The following NEK1 variants were observed in gnomAD, a reference collection of about 807,000 sequenced individuals.
The protein encoded by NEK1 is serine/threonine-protein kinase Nek1.
A neutral mutation model predicts 182.1 loss-of-function variants in NEK1; 137 were observed. The ratio of observed to expected loss-of-function variants is 0.75; its 90% CI spans 0.65 to 0.87. The LOEUF (loss-of-function observed/expected upper bound fraction) is 0.87, where lower values mean the gene tolerates loss of function less well. Ranked by LOEUF, NEK1 falls within the 40% of genes least tolerant of loss-of-function variation. The probability of loss-of-function intolerance (pLI) is 0.00; values close to 1 mark genes in which losing one functional copy is unlikely to be tolerated. For synonymous variants in NEK1, 513 were observed against 492.2 expected (o/e 1.04, Z -0.56); for missense variants, 1,391 against 1,494.4 (o/e 0.93, Z 1.14).
At chr4:169,539,676 G>A (rs1165202371) in intron 18 of NEK1, among the ~76,000 whole-genome samples, 2 of 152,098 alleles carry the variant, frequency 1.3e-5, no homozygotes, top group Non-Finnish European at 2.9e-5. Context: ...TAGGCCTGAG[G>A]AAGGCAGATG....
intron 27 of NEK1, among the ~76,000 whole-genome samples, chr4:169,456,542 C>T (rs1000044673): frequency 3.9e-5 from 6 of 152,240 alleles, no homozygotes; most frequent in African/African-American, 1.4e-4. Context: ...ACAACTGATA[C>T]TGCAGAAATT....
At chr4:169,562,930 A>C (rs1314771999) in intron 12 of NEK1, among the ~76,000 whole-genome samples, 1 of 152,132 alleles carries the variant, frequency 6.6e-6, no homozygotes. Context: ...CTTTTGCTCA[A>C]CACTGTTTTC....
At chr4:169,543,116 T>G (rs1759743144) in intron 18 of NEK1, among the ~76,000 whole-genome samples, 1 of 152,166 alleles carries the variant, frequency 6.6e-6, no homozygotes, top group East Asian at 1.9e-4. Flanking sequence ...TTTTTAGGGT[T>G]TTAGGTCTTA....
At chr4:169,492,855 C>G (rs1013897754) in intron 23 of NEK1, among the ~76,000 whole-genome samples, 1 of 152,112 alleles carries the variant, frequency 6.6e-6, no homozygotes, top group African/African-American at 2.4e-5. Flanking sequence ...TCAAAGCCAC[C>G]AATGGGAAAC....
At position 169,397,943 on chromosome 4, in the gene NEK1, C is replaced by A. The variant is rs115564841; in HGVS notation, c.3847+2282G>T. Among the ~76,000 whole-genome samples the A allele has an allele frequency of 4.9e-3, 747 of 152,264 alleles. 5 individuals are homozygous for A. The highest frequency in any genetic ancestry group is 0.017 in the African/African-American group (723 of 41,556). ...CTATTGAAACAATACTTAAGGAGAA[C>A]CGCCTGGAGGTGGAATAGTCTGAAT... On this transcript the variant is annotated intron_variant, in intron 35 of 35. Transcript: ENST00000507142.
intron 27 of NEK1, 67 bp downstream of exon 27, chr4:169,463,176 T>C: frequency 1.1e-6 from 1 of 897,296 alleles, no homozygotes; most frequent in Non-Finnish European, 1.5e-6. Flanking sequence ...GGAAACATCT[T>C]AAAATACATA....
Position 169,541,121 on chromosome 4 carries a change from G to A in NEK1, c.1563-3210C>T, listed in dbSNP as rs1251066140. ...CTGAGAAATAAAAATGAGTAATGTG[G>A]TATTGGGCAGAAGAGATGGGGTGGT... On this transcript the variant is annotated intron_variant, in intron 18 of 35. Transcript: ENST00000507142. Among the ~76,000 whole-genome samples the A allele has an allele frequency of 7.9e-5, 12 of 152,204 alleles. No homozygotes were observed. In the South Asian group the frequency reaches 2.5e-3, roughly 32 times the overall value.
intron 24 of NEK1, among the ~76,000 whole-genome samples, chr4:169,478,966 G>A (rs951331968): frequency 2.6e-5 from 4 of 152,108 alleles, no homozygotes; most frequent in Non-Finnish European, 5.9e-5. Flanking sequence ...TAGTTCTACT[G>A]AGTCCTCTAA....
In NEK1 at chr4:169,577,052, G is replaced by T. The variant is rs201587614; in HGVS notation, c.896C>A (p.Ser299Ter). The change falls in exon 12 of 36, where the codon TCG (serine) becomes TAG (stop). Residue 299 changes from serine (S) to a stop codon, truncating the protein, a stop_gained. Coordinates refer to ENST00000507142, the MANE Select transcript of NEK1 (RefSeq NM_001199397.3). LOFTEE classifies it high-confidence loss of function. ...PAKRPASGQN[S>*]ISVMPAQKIT... Reference sequence around the variant, plus strand: ...TTTCTGAGCAGGCATAACAGAAATCGAGTTTTGTCCTGAAGCTGGTCTTTT... The same window carrying T: ...TTTCTGAGCAGGCATAACAGAAATCTAGTTTTGTCCTGAAGCTGGTCTTTT... The T allele has an allele frequency of 6.2e-7, 1 of 1,613,598 alleles. No individual in the cohort carries two copies. The highest frequency in any genetic ancestry group is 1.7e-5 in the Admixed American group (1 of 60,014).
intron 29 of NEK1, among the ~76,000 whole-genome samples, 152 bp from the exon 30 acceptor site, chr4:169,426,386 C>T (rs754147951): frequency 6.6e-6 from 1 of 152,182 alleles, no homozygotes; most frequent in Non-Finnish European, 1.5e-5. Context: ...TACTTTCTCA[C>T]ATAAGTACAA....
intron 27 of NEK1, among the ~76,000 whole-genome samples, chr4:169,456,142 G>A (rs1302332349): frequency 6.6e-6 from 1 of 151,990 alleles, no homozygotes; most frequent in African/African-American, 2.4e-5. Flanking sequence ...AATTAAGAAG[G>A]AAATTGAAAA....
intron 2 of NEK1, among the ~76,000 whole-genome samples, chr4:169,605,817 C>CTATAATACA (rs1771241916): frequency 6.6e-6 from 1 of 152,114 alleles, no homozygotes; most frequent in African/African-American, 2.4e-5. Flanking sequence ...AATTCAATCT[C>CTATAATACA]TATAATACAT....
chr4:169,445,802 C>G (rs1355586029), intron 27 of NEK1, among the ~76,000 whole-genome samples: 1 of 150,404 alleles, frequency 6.6e-6, no homozygotes, highest in Non-Finnish European at 1.5e-5. Context: ...ACCCATGTAA[C>G]AAACATGCAC....
chr4:169,565,239 A>G (rs1223588450), intron 12 of NEK1, among the ~76,000 whole-genome samples: 1 of 152,194 alleles, frequency 6.6e-6, no homozygotes, highest in Non-Finnish European at 1.5e-5. Flanking sequence ...TATATTTCCC[A>G]TCTGGACTCA....
chr4:169,557,763 T>C (rs1762359318), intron 16 of NEK1, among the ~76,000 whole-genome samples: 1 of 151,874 alleles, frequency 6.6e-6, no homozygotes, highest in Non-Finnish European at 1.5e-5. Context: ...CGAAACAACA[T>C]CCCTGCAAAT....
chr4:169,490,324 A>G (rs1449440453), intron 23 of NEK1, among the ~76,000 whole-genome samples: 2 of 152,124 alleles, frequency 1.3e-5, no homozygotes, highest in African/African-American at 2.4e-5. Flanking sequence ...GCAATCATCT[A>G]TAGGTAAAAT....
At chr4:169,599,235 G>A (rs759400390) in intron 4 of NEK1, 38 bp from the exon 5 acceptor site, 7 of 1,438,904 alleles carry the variant, frequency 4.9e-6, no homozygotes, top group South Asian at 1.2e-5. Flanking sequence ...TTTTAAAAAC[G>A]TACATCAAAA....
chr4:169,443,728 AC>A (rs146837953), intron 27 of NEK1, among the ~76,000 whole-genome samples: 3,702 of 152,236 alleles, frequency 0.024, 62 homozygotes, highest in Non-Finnish European at 0.038. Context: ...AAGGCACATT[AC>A]AATCAGACAG....
chr4:169,562,074 T>A (rs996231349), intron 13 of NEK1, 63 bp downstream of exon 13: 116 of 1,308,426 alleles, frequency 8.9e-5, no homozygotes, highest in Non-Finnish European at 1.2e-4. Context: ...ATAGTAAGAT[T>A]TTGTTTCTTT....
Sources: allele counts gnomAD v4.1 joint callset (sites outside exome capture counted in the v4.1 genomes callset), GRCh38; gene constraint gnomAD v4.1.1; transcripts MANE v1.5; gene names NCBI Gene and HGNC (gene_info 2026-07-23, HGNC 2026-07-21).